Variants in PRKN observed in about 807,000 individuals in gnomAD.
PRKN encodes the protein E3 ubiquitin-protein ligase parkin.
PRKN carries 56 observed loss-of-function variants against 59.5 expected under a neutral mutation model. That is an observed-to-expected ratio of 0.94 (90% CI 0.76 to 1.18). PRKN has a LOEUF of 1.18. Ranked by LOEUF, PRKN falls within the 50% of genes most tolerant of loss-of-function variation. PRKN has a pLI of 0.00. For missense variants in PRKN, 657 were observed against 596.4 expected (o/e 1.10, Z -1.06); for synonymous variants, 250 against 222.1 (o/e 1.13, Z -1.12).
intron 7 of PRKN, among the ~76,000 whole-genome samples, chr6:161,731,201 G>T (rs1787695414): frequency 6.6e-6 from 1 of 152,256 alleles, no homozygotes; most frequent in South Asian, 2.1e-4. Flanking sequence ...GAGTTTAAAA[G>T]ATGGAGCTGT....
intron 1 of PRKN, among the ~76,000 whole-genome samples, chr6:162,468,443 A>G (rs781210415): frequency 2.0e-5 from 3 of 152,226 alleles, no homozygotes; most frequent in African/African-American, 4.8e-5. Flanking sequence ...GAAAGAGCAT[A>G]TGGCAATTTG....
chr6:162,384,044 G>T (rs771386188), intron 2 of PRKN, among the ~76,000 whole-genome samples: 1 of 152,152 alleles, frequency 6.6e-6, no homozygotes, highest in Non-Finnish European at 1.5e-5. Flanking sequence ...GTTGTAACTG[G>T]CTTGAACTTC....
Position 161,633,993 on chromosome 6 carries a change from CTTAA to C in PRKN, c.872-64581_872-64578del, listed in dbSNP as rs529083581. Among the ~76,000 whole-genome samples, 301 of 112,382 alleles carry C rather than the reference CTTAA, an allele frequency of 2.7e-3. 2 individuals carry two copies. Among genetic ancestry groups the C allele is most frequent in the African/African-American group, 9.5e-3 (288 of 30,314 alleles). The allele number at this position is 112,382 out of a possible 152,430, so 73.7% of individuals were successfully genotyped here. A position where few individuals can be genotyped will look rare whatever the true frequency, so the allele number is the denominator to read the frequency against. On this transcript the variant is annotated intron_variant, in intron 7 of 11. Coordinates refer to ENST00000366898, the MANE Select transcript of PRKN (RefSeq NM_004562.3). The stretch of plus-strand genomic sequence containing the variant: ...GAGGGGGCTTTAACCAAATGGAAAA[CTTAA>C]ACACACACACACACACACACACACA...
At chr6:161,846,687 G>C (rs1793211257) in intron 6 of PRKN, among the ~76,000 whole-genome samples, 1 of 121,812 alleles carries the variant, frequency 8.2e-6, no homozygotes, top group South Asian at 3.0e-4. Context: ...GGGTGGGTGG[G>C]TGGGAGACTC....
intron 9 of PRKN, among the ~76,000 whole-genome samples, chr6:161,443,303 C>A (rs1789330270): frequency 7.0e-6 from 1 of 142,282 alleles, no homozygotes. Context: ...GAGCAAGACT[C>A]CGTCTCAAAA....
chr6:162,234,778 G>A lies in PRKN; in HGVS notation c.412+27747C>T, dbSNP rs191529845. ...CCAAGAATAGAGGGCAGACTGTGGT[G>A]ACAGACACCGTCTGTGTTATCACTT... On this transcript the variant is annotated intron_variant, in intron 3 of 11. Transcript: ENST00000366898. 3.0e-4 allele frequency among the ~76,000 whole-genome samples: 46 copies of A among 152,330 alleles called. 1 individual carries two copies. In the East Asian group the frequency reaches 7.7e-3, roughly 26 times the overall value.
chr6:162,118,730 C>CTTTTTTGT (rs1780780880), intron 4 of PRKN, among the ~76,000 whole-genome samples: 2 of 152,160 alleles, frequency 1.3e-5, no homozygotes. Context: ...GTAACCAGTG[C>CTTTTTTGT]ATTACAAAAA....
intron 1 of PRKN, among the ~76,000 whole-genome samples, chr6:162,494,024 C>T (rs893149240): frequency 3.3e-5 from 5 of 152,216 alleles, no homozygotes; most frequent in Non-Finnish European, 7.3e-5. Context: ...CCCCTCCTTA[C>T]TGTTACTGTC....
chr6:161,411,667 C>T (rs1198763104), intron 9 of PRKN, among the ~76,000 whole-genome samples: 1 of 151,586 alleles, frequency 6.6e-6, no homozygotes, highest in Non-Finnish European at 1.5e-5. Context: ...TGCTTCCTTG[C>T]TCATTCCCCC....
intron 1 of PRKN, among the ~76,000 whole-genome samples, chr6:162,516,456 T>C (rs1259235682): frequency 1.3e-5 from 2 of 152,318 alleles, no homozygotes; most frequent in Non-Finnish European, 2.9e-5. Flanking sequence ...ATTATATTAT[T>C]TGAAAACATT....
rs1394954859 is a variant in PRKN at position 161,480,040 on chromosome 6, G to C, written c.1083+68814C>G. ...GCGGGATCATGGAAGCCCAGGTGAA[G>C]GTGAGCCTCTGTCAGCCTCGGCCTT... On this transcript the variant is annotated intron_variant, in intron 9 of 11. Coordinates refer to ENST00000366898, the MANE Select transcript of PRKN (RefSeq NM_004562.3). The surrounding 1 kb of genome is among the most constrained non-coding windows in gnomAD (Gnocchi z 4.1). 6.6e-6 allele frequency among the ~76,000 whole-genome samples: 1 copy of C among 152,216 alleles called. No individual in the cohort carries two copies. Among genetic ancestry groups the C allele is most frequent in the Non-Finnish European group, 1.5e-5 (1 of 68,042 alleles).
intron 4 of PRKN, among the ~76,000 whole-genome samples, chr6:162,115,287 T>G: frequency 6.6e-6 from 1 of 151,086 alleles, no homozygotes; most frequent in Non-Finnish European, 1.5e-5. Context: ...TAGGTGGGAA[T>G]TGAATAATGA....
chr6:162,030,230 A>G (rs558523909), intron 5 of PRKN, among the ~76,000 whole-genome samples: 12 of 152,136 alleles, frequency 7.9e-5, no homozygotes, highest in Admixed American at 7.9e-4. Flanking sequence ...ACAACTAATA[A>G]TGCCACTTTC....
intron 1 of PRKN, among the ~76,000 whole-genome samples, chr6:162,693,950 C>T (rs1371675844): frequency 1.3e-5 from 2 of 152,058 alleles, no homozygotes; most frequent in East Asian, 3.9e-4. Flanking sequence ...GAATTTGGTA[C>T]TTAAAATGTT....
chr6:162,331,784 T>C (rs1179785490), intron 2 of PRKN, among the ~76,000 whole-genome samples: 1 of 152,186 alleles, frequency 6.6e-6, no homozygotes, highest in African/African-American at 2.4e-5. Context: ...CTGATTGACC[T>C]GGCATTTTCT....
chr6:162,025,980 T>C (rs1448735292), intron 5 of PRKN, among the ~76,000 whole-genome samples: 1 of 152,120 alleles, frequency 6.6e-6, no homozygotes, highest in Non-Finnish European at 1.5e-5. Context: ...CAAACCACTA[T>C]TGCAGTCAAG....
intron 1 of PRKN, among the ~76,000 whole-genome samples, chr6:162,551,127 G>A (rs921079223): frequency 2.0e-5 from 3 of 152,092 alleles, no homozygotes; most frequent in African/African-American, 7.2e-5. Context: ...AAAGTAGTCT[G>A]TGAGACACAC....
chr6:161,898,013 C>A (rs983023239), intron 6 of PRKN, among the ~76,000 whole-genome samples: 1 of 143,444 alleles, frequency 7.0e-6, no homozygotes, highest in Non-Finnish European at 1.5e-5. Flanking sequence ...AAAGGTTTTT[C>A]TCATCTGCTA....
intron 4 of PRKN, among the ~76,000 whole-genome samples, chr6:162,146,121 G>A (rs1782014089): frequency 6.6e-6 from 1 of 152,080 alleles, no homozygotes; most frequent in African/African-American, 2.4e-5. Flanking sequence ...AACGGCCTTA[G>A]GATCCCTGCC....
Sources: allele counts gnomAD v4.1 joint callset (sites outside exome capture counted in the v4.1 genomes callset), GRCh38; gene constraint gnomAD v4.1.1; non-coding constraint Gnocchi (gnomAD v3.1); transcripts MANE v1.5; gene names NCBI Gene and HGNC (gene_info 2026-07-23, HGNC 2026-07-21).